SNAPC3: variants seen among roughly 807,000 people sequenced by gnomAD.
SNAPC3 encodes snRNA-activating protein complex subunit 3.
A neutral mutation model predicts 47.7 loss-of-function variants in SNAPC3; 56 were observed. That is an observed-to-expected ratio of 1.18 (90% CI 0.95 to 1.47). The LOEUF (loss-of-function observed/expected upper bound fraction) is 1.47. SNAPC3 is among the 40% of genes most tolerant of loss of function. The probability of loss-of-function intolerance (pLI) is 0.00; values close to 1 mark genes in which losing one functional copy is unlikely to be tolerated. For synonymous variants in SNAPC3, 235 were observed against 189.9 expected (o/e 1.24, Z -1.95); for missense variants, 665 against 511.3 (o/e 1.30, Z -2.90).
At chr9:15,426,815 T>C (rs1384694996) in intron 2 of SNAPC3, among the ~76,000 whole-genome samples, 1 of 152,204 alleles carries the variant, frequency 6.6e-6, no homozygotes, top group Non-Finnish European at 1.5e-5. Flanking sequence ...TAGAATTATA[T>C]ATAATCTAAT....
At position 15,451,696 on chromosome 9, in the gene SNAPC3, T is replaced by C. The variant is rs56724607; in HGVS notation, c.815+294T>C. Reference sequence around the variant, plus strand: ...TCCAGCCTGGGTAATATAGCAAGACTCTGTCTCTAAAAAAAAAATAAATAA... The same window carrying C: ...TCCAGCCTGGGTAATATAGCAAGACCCTGTCTCTAAAAAAAAAATAAATAA... On this transcript the variant is annotated intron_variant, in intron 6 of 8. Transcript: ENST00000380821. 4.4e-3 allele frequency among the ~76,000 whole-genome samples: 666 copies of C among 152,178 alleles called. 3 individuals are homozygous for C. The highest frequency in any genetic ancestry group is 0.015 in the African/African-American group (641 of 41,512).
Position 15,453,146 on chromosome 9 carries a change from T to C in SNAPC3, c.921T>C (p.Phe307=), listed in dbSNP as rs773772545. 6.2e-7 allele frequency: 1 copy of C among 1,613,604 alleles called. No homozygotes were observed. Among genetic ancestry groups the C allele is most frequent in the East Asian group, 2.2e-5 (1 of 44,846 alleles). The change falls in exon 7 of 9, where the codon TTT becomes TTC. Residue 307 remains phenylalanine, a synonymous_variant. Coordinates refer to ENST00000380821, the MANE Select transcript of SNAPC3 (RefSeq NM_001039697.2). ...ATGACTTGTGTATTAAACTGGGTTTTCCTTACTTATACTGTCATCAGGGAG... is the reference window on the plus strand; with the variant it reads ...ATGACTTGTGTATTAAACTGGGTTTCCCTTACTTATACTGTCATCAGGGAG... ...TFNDLCIKLG[F]PYLYCHQGDC...
intron 2 of SNAPC3, among the ~76,000 whole-genome samples, chr9:15,432,915 A>G (rs1480907308): frequency 6.6e-6 from 1 of 152,180 alleles, no homozygotes; most frequent in Non-Finnish European, 1.5e-5. Flanking sequence ...ATCTCCCCCA[A>G]AATATTTACC....
intron 2 of SNAPC3, among the ~76,000 whole-genome samples, chr9:15,428,702 A>G (rs1306212427): frequency 6.6e-6 from 1 of 152,122 alleles, no homozygotes; most frequent in Non-Finnish European, 1.5e-5. Flanking sequence ...TGGAAGAAAA[A>G]GACAATTACC....
intron 3 of SNAPC3, among the ~76,000 whole-genome samples, chr9:15,442,466 T>C (rs4468030): frequency 0.91 from 136,221 of 149,896 alleles, 62,082 homozygotes; most frequent in African/African-American, 0.94. Flanking sequence ...GGGCGGCTGC[T>C]GGGCGGAGGG....
chr9:15,459,700 CTTTT>C lies in SNAPC3; in HGVS notation c.1089-15_1089-12del. On this transcript the variant is annotated splice_polypyrimidine_tract_variant and intron_variant, in intron 8 of 8. Transcript: ENST00000380821. Reference sequence around the variant, plus strand: ...CAAATTTGATTGTAATGATGTACTTCTTTTTTTAAAAACTACAGATGGGTGACGA... The same window carrying C: ...CAAATTTGATTGTAATGATGTACTTCTTTAAAAACTACAGATGGGTGACGA... 1 of 1,607,648 alleles carries C rather than the reference CTTTT, an allele frequency of 6.2e-7. No homozygotes were observed. Among genetic ancestry groups the C allele is most frequent in the Non-Finnish European group, 8.5e-7 (1 of 1,176,248 alleles).
intron 7 of SNAPC3, among the ~76,000 whole-genome samples, chr9:15,455,492 G>A (rs186243636): frequency 1.6e-3 from 250 of 152,198 alleles, no homozygotes; most frequent in Middle Eastern, 3.4e-3. Flanking sequence ...ACTTGAACCC[G>A]GGAAGCGGAG....
At chr9:15,464,699 A>AACTT (rs1054135967), downstream of SNAPC3, 7 of 199,314 alleles carry the variant, frequency 3.5e-5, no homozygotes, top group East Asian at 1.6e-4. Context: ...CTCAAAAATA[A>AACTT]ACTTACTTAG....
intron 3 of SNAPC3, among the ~76,000 whole-genome samples, chr9:15,437,198 T>C (rs1414648746): frequency 6.6e-6 from 1 of 152,140 alleles, no homozygotes; most frequent in Non-Finnish European, 1.5e-5. Context: ...CTAAATATTT[T>C]ATTCTTTTGA....
Position 15,460,077 on chromosome 9 carries a change from TTTAA to T in SNAPC3, c.*214_*217del, listed in dbSNP as rs764764644. ...AATTTTATATTTATTCCAGATAGTA[TTTAA>T]TTTAGTGCTTTTTACCCATTTTGAG... On this transcript the variant is annotated 3_prime_UTR_variant, in exon 9 of 9. Coordinates refer to ENST00000380821, the MANE Select transcript of SNAPC3 (RefSeq NM_001039697.2). 2.1e-4 allele frequency: 79 copies of T among 380,072 alleles called. No homozygotes were observed. Among genetic ancestry groups the T allele is most frequent in the Non-Finnish European group, 3.3e-4 (71 of 216,282 alleles). The allele number at this position is 380,072 out of a possible 1,614,324, so 23.5% of individuals were successfully genotyped here.
chr9:15,426,165 ATT>A (rs769744318), intron 2 of SNAPC3, among the ~76,000 whole-genome samples: 2 of 151,902 alleles, frequency 1.3e-5, no homozygotes, highest in African/African-American at 2.4e-5. Flanking sequence ...GACCTTGCTG[ATT>A]TTTTTTAAGC....
chr9:15,458,007 T>A lies in SNAPC3; in HGVS notation c.1028T>A (p.Leu343His). 1 of 1,598,928 alleles carries A rather than the reference T, an allele frequency of 6.3e-7. No individual in the cohort carries two copies. Among genetic ancestry groups the A allele is most frequent in the Non-Finnish European group, 8.5e-7 (1 of 1,175,072 alleles). Residue 343 changes from leucine (L) to histidine (H), a missense_variant, in exon 8 of 9, where the codon CTT becomes CAT. Transcript: ENST00000380821. ...TTGGATAGGACATTGTATCCCCTCC[T>A]TATCAAGAAGCATTGGCTATGGACC... ...DCLDRTLYPL[L>H]IKKHWLWTRK...
chr9:15,430,208 A>G (rs763984062), intron 2 of SNAPC3, among the ~76,000 whole-genome samples: 17 of 152,194 alleles, frequency 1.1e-4, no homozygotes, highest in Non-Finnish European at 2.5e-4. Context: ...AGATGGAAGG[A>G]TTGCTTGAGC....
Position 15,458,015 on chromosome 9 carries a change from A to C in SNAPC3, c.1036A>C (p.Lys346Gln), listed in dbSNP as rs1448752602. ...DRTLYPLLIKKHWLWTRKCFV... is the reference protein window; with the variant it reads ...DRTLYPLLIKQHWLWTRKCFV... Reference sequence around the variant, plus strand: ...GACATTGTATCCCCTCCTTATCAAGAAGCATTGGCTATGGACCAGAAAATG... The same window carrying C: ...GACATTGTATCCCCTCCTTATCAAGCAGCATTGGCTATGGACCAGAAAATG... The change falls in exon 8 of 9, where the codon AAG becomes CAG. Residue 346 changes from lysine to glutamine, a missense_variant. Physicochemically the swap from Lys to Gln is moderately conservative, Grantham distance 53. Transcript: ENST00000380821. 4 of 1,598,178 alleles carry C rather than the reference A, an allele frequency of 2.5e-6. No individual in the cohort carries two copies. Among genetic ancestry groups the C allele is most frequent in the East Asian group, 2.3e-5 (1 of 44,234 alleles).
In SNAPC3 at chr9:15,459,234, T is replaced by C. The variant is rs374243700; in HGVS notation, c.1089-485T>C. Among the ~76,000 whole-genome samples the C allele has an allele frequency of 3.9e-5, 6 of 152,352 alleles. No homozygotes were observed. In the East Asian group the frequency reaches 9.6e-4, roughly 24 times the overall value. On this transcript the variant is annotated intron_variant, in intron 8 of 8. Transcript: ENST00000380821. ...CCCATATTGCTATTTGTATATACTT[T>C]ATAACATAATCTTGAGTTCTAGGTA...
chr9:15,449,562 T>C (rs2034227006), intron 5 of SNAPC3, among the ~76,000 whole-genome samples: 2 of 35,238 alleles, frequency 5.7e-5, no homozygotes, highest in Non-Finnish European at 9.2e-5. Flanking sequence ...TATATATATA[T>C]ATTTTTTTTT....
chr9:15,432,205 T>A (rs1010406161), intron 2 of SNAPC3, among the ~76,000 whole-genome samples: 15 of 152,184 alleles, frequency 9.9e-5, no homozygotes, highest in Admixed American at 9.2e-4. Context: ...CTAAAATGAA[T>A]CCTGTGGTTT....
At chr9:15,443,465 T>A (rs1243002975) in intron 3 of SNAPC3, among the ~76,000 whole-genome samples, 1 of 152,172 alleles carries the variant, frequency 6.6e-6, no homozygotes, top group East Asian at 1.9e-4. Flanking sequence ...CTGTGACTTT[T>A]CCAAACGATT....
chr9:15,452,813 A>C (rs1226583046), intron 6 of SNAPC3, among the ~76,000 whole-genome samples: 1 of 152,232 alleles, frequency 6.6e-6, no homozygotes, highest in African/African-American at 2.4e-5. Context: ...TTTGCATTTA[A>C]GCTAAAGTGA....
Sources: gnomAD v4.1 joint callset for allele counts (sites outside exome capture counted in the v4.1 genomes callset) on GRCh38, gnomAD v4.1.1 for gene constraint, MANE v1.5 for transcripts, NCBI Gene and HGNC (gene_info 2026-07-23, HGNC 2026-07-21) for gene names.